Variants in RBM24 observed in about 807,000 individuals in gnomAD.
The protein encoded by RBM24 is RNA-binding protein 24.
In RBM24, 5 loss-of-function variants were observed where a neutral mutation model predicts 23.6. The observed-to-expected ratio is 0.21, with a 90% CI of 0.11 to 0.45. The LOEUF is 0.45. RBM24 is among the 20% of genes least tolerant of loss of function. The pLI is 0.99. For synonymous variants in RBM24, 151 were observed against 129.5 expected, an observed-to-expected ratio of 1.17 and a Z score of -1.13; for missense variants, 252 against 314.6, an observed-to-expected ratio of 0.80 and a Z score of 1.51.
intron 3 of RBM24, among the ~76,000 whole-genome samples, chr6:17,290,369 A>G (rs1760322593): frequency 6.6e-6 from 1 of 152,260 alleles, no homozygotes; most frequent in Non-Finnish European, 1.5e-5. Flanking sequence ...ATTTTAAAGA[A>G]GAAGATAAAT....
Position 17,282,821 on chromosome 6 carries a change from G to T in RBM24, c.185G>T (p.Arg62Leu), listed in dbSNP as rs769412244. 4 of 1,614,046 alleles carry T rather than the reference G, an allele frequency of 2.5e-6. No individual in the cohort carries two copies. The highest frequency in any genetic ancestry group is 3.4e-6 in the Non-Finnish European group (4 of 1,179,986). ...RGYGFVTMAD[R>L]AAAERACKDP... ...GTTGCTAAGGTCACCATGGCTGACC[G>T]GGCTGCTGCCGAAAGGGCCTGCAAG... Residue 62 changes from arginine (R) to leucine (L), a missense_variant, in exon 2 of 4, where the codon CGG (arginine) becomes CTG (leucine). By Grantham distance (102) the Arg-to-Leu change is moderately radical. Transcript: ENST00000379052.
At chr6:17,289,969 G>A (rs565852020) in intron 3 of RBM24, 12 of 1,289,248 alleles carry the variant, frequency 9.3e-6, no homozygotes, top group African/African-American at 9.1e-5. Flanking sequence ...GCATGACCAC[G>A]CGCCTGGTTT....
intron 3 of RBM24, chr6:17,290,085 T>A (rs1294072980): frequency 7.8e-7 from 1 of 1,289,376 alleles, no homozygotes; most frequent in East Asian, 5.5e-5. Context: ...TTGAGTGTAT[T>A]TTTATCATTG....
At chr6:17,291,659 C>G (rs1462591002) in intron 3 of RBM24, 97 bp from the exon 4 acceptor site, 1 of 1,345,654 alleles carries the variant, frequency 7.4e-7, no homozygotes. Flanking sequence ...ACCCTATGCT[C>G]ATAATAACCA....
In RBM24 at chr6:17,291,023, C is replaced by T. The variant is rs576732922; in HGVS notation, c.348-733C>T. On this transcript the variant is annotated intron_variant, in intron 3 of 3. Coordinates refer to ENST00000379052, the MANE Select transcript of RBM24 (RefSeq NM_001143942.2). Reference sequence around the variant, plus strand: ...TTAATAGCATTTTTGTAGCTTCCCACGACAGCCTCTTGTGACAGAGTGAGC... The same window carrying T: ...TTAATAGCATTTTTGTAGCTTCCCATGACAGCCTCTTGTGACAGAGTGAGC... The T allele has an allele frequency of 3.3e-5, 17 of 520,424 alleles. No individual in the cohort carries two copies. The East Asian group carries it at 4.8e-4, about 15-fold the overall frequency. The allele number at this position is 520,424 out of a possible 1,614,324, so 32.2% of individuals were successfully genotyped here.
intron 3 of RBM24, among the ~76,000 whole-genome samples, chr6:17,290,255 T>C (rs1403042401): frequency 1.3e-5 from 2 of 152,250 alleles, no homozygotes; most frequent in Admixed American, 6.5e-5. Flanking sequence ...ATTGAAAGGT[T>C]GTTACTTGTC....
rs1394002888 is a variant in RBM24, at chr6:17,291,750, C to T, written c.348-6C>T. The T allele has an allele frequency of 5.0e-6, 8 of 1,596,612 alleles. No homozygotes were observed. Among genetic ancestry groups the T allele is most frequent in the Admixed American group, 3.5e-5 (2 of 57,922 alleles). ...CCGCCTGACTTTGTTTTCCATTTCTCAACAGGATACCTGCCCACTATGTCT... is the reference window on the plus strand; with the variant it reads ...CCGCCTGACTTTGTTTTCCATTTCTTAACAGGATACCTGCCCACTATGTCT... On this transcript the variant is annotated splice_region_variant and splice_polypyrimidine_tract_variant and intron_variant, in intron 3 of 3. Transcript: ENST00000379052.
chr6:17,289,524 T>C, intron 3 of RBM24: 1 of 985,434 alleles, frequency 1.0e-6, no homozygotes, highest in Non-Finnish European at 1.2e-6. Flanking sequence ...CTAAGCAACC[T>C]TGCCTGTCTT....
intron 3 of RBM24, among the ~76,000 whole-genome samples, chr6:17,286,865 G>A (rs559939208): frequency 6.6e-6 from 1 of 152,290 alleles, no homozygotes; most frequent in South Asian, 2.1e-4. Context: ...ATAGGAATTT[G>A]GACTGATTGT....
chr6:17,291,795 G>A lies in RBM24; in HGVS notation c.387G>A (p.Gln129=), dbSNP rs1760367155. ...ATGTCTATCCGCAGGCTTTTGTGCA[G>A]CCGGGAGTGGTCATTCCACACGTCC... ...AHYVYPQAFV[Q]PGVVIPHVQP... The change falls in exon 4 of 4, where the codon CAG becomes CAA. Residue 129 remains glutamine, a synonymous_variant. Coordinates refer to ENST00000379052, the MANE Select transcript of RBM24 (RefSeq NM_001143942.2). 2.5e-6 allele frequency: 4 copies of A among 1,613,952 alleles called. No homozygotes were observed. The highest frequency in any genetic ancestry group is 3.4e-6 in the Non-Finnish European group (4 of 1,179,976).
In RBM24 at chr6:17,292,226, A is replaced by G; in HGVS notation, c.*107A>G. 1 of 1,098,464 alleles carries G rather than the reference A, an allele frequency of 9.1e-7. No homozygotes were observed. The highest frequency in any genetic ancestry group is 2.5e-5 in the Admixed American group (1 of 40,156). 68.0% of individuals were successfully genotyped at this position (1,098,464 alleles called of 1,614,324 possible). A position where few individuals can be genotyped will look rare whatever the true frequency, so the allele number is the denominator to read the frequency against. On this transcript the variant is annotated 3_prime_UTR_variant, in exon 4 of 4. Transcript: ENST00000379052. ...ATTGACTTAACAGCTTTAAAAAAAA[A>G]AACAGCCATGCTATTGTGAAGCAGA...
intron 3 of RBM24, among the ~76,000 whole-genome samples, chr6:17,286,339 G>T (rs2113402211): frequency 6.6e-6 from 1 of 152,262 alleles, no homozygotes; most frequent in Non-Finnish European, 1.5e-5. Context: ...AGCTATTTCT[G>T]TGGGTAATTC....
chr6:17,282,724 C>T (rs200472661), intron 1 of RBM24, 81 bp from the exon 2 acceptor site: 9 of 1,560,510 alleles, frequency 5.8e-6, no homozygotes, highest in Non-Finnish European at 7.9e-6. Flanking sequence ...TCATGAATGA[C>T]TTCTCCATTG....
At chr6:17,286,187 A>ATT (rs11437494) in intron 3 of RBM24, among the ~76,000 whole-genome samples, 49,066 of 132,596 alleles carry the variant, frequency 0.37, 9,775 homozygotes, top group African/African-American at 0.49. Context: ...AACTACTACT[A>ATT]TTTTTTTTTT....
chr6:17,290,024 T>C (rs1760307242), intron 3 of RBM24: 1 of 1,289,304 alleles, frequency 7.8e-7, no homozygotes, highest in African/African-American at 1.5e-5. Flanking sequence ...CAGAAACACT[T>C]GATGACGTCG....
At chr6:17,289,976 G>A in intron 3 of RBM24, 7 of 1,289,338 alleles carry the variant, frequency 5.4e-6, no homozygotes, top group Non-Finnish European at 6.1e-6. Flanking sequence ...CACGCGCCTG[G>A]TTTCTGACAA....
Position 17,292,827 on chromosome 6 carries a change from A to G in RBM24, c.*708A>G, listed in dbSNP as rs546218559. On this transcript the variant is annotated 3_prime_UTR_variant, in exon 4 of 4. Coordinates refer to ENST00000379052, the MANE Select transcript of RBM24 (RefSeq NM_001143942.2). The stretch of plus-strand genomic sequence containing the variant: ...AATCAATAACACACACAGTTCTGGA[A>G]AGAACACATCACTTGTGCTTGTTTG... 19 of 152,782 alleles carry G rather than the reference A, an allele frequency of 1.2e-4. No individual in the cohort carries two copies. The East Asian group carries it at 3.3e-3, about 26-fold the overall frequency. The allele number at this position is 152,782 out of a possible 1,614,324, so 9.5% of individuals were successfully genotyped here.
chr6:17,290,561 G>A (rs534765410), intron 3 of RBM24, among the ~76,000 whole-genome samples: 5 of 152,144 alleles, frequency 3.3e-5, no homozygotes, highest in Non-Finnish European at 4.4e-5. Flanking sequence ...AAAGATACTT[G>A]GTTTTGTTTG....
intron 3 of RBM24, 196 bp downstream of exon 3, chr6:17,284,907 C>A: frequency 2.4e-6 from 1 of 422,838 alleles, no homozygotes; most frequent in Non-Finnish European, 4.1e-6. Context: ...AGTATGCAGC[C>A]TCCAAACGAG....
Sources: allele counts gnomAD v4.1 joint callset (sites outside exome capture counted in the v4.1 genomes callset), GRCh38; gene constraint gnomAD v4.1.1; transcripts MANE v1.5; gene names NCBI Gene and HGNC (gene_info 2026-07-23, HGNC 2026-07-21).